Variants in MYH2 observed in about 807,000 individuals in gnomAD.
The protein encoded by MYH2 is myosin heavy chain 2.
MYH2 carries 139 observed loss-of-function variants against 228.1 expected under a neutral mutation model. The observed-to-expected ratio is 0.61, with a 90% CI of 0.53 to 0.70. MYH2 has a LOEUF of 0.70. Among genes scored for constraint, MYH2 ranks in the 30% least tolerant of loss-of-function variants. The pLI is 0.00. For synonymous variants in MYH2, 796 were observed against 871.1 expected (o/e 0.91, Z 1.52); for missense variants, 1,809 against 2,357.5 (o/e 0.77, Z 4.82).
rs755293552 is a variant in MYH2 at position 10,540,590 on chromosome 17, T to G, written c.1008+4A>C. 1 of 1,598,904 alleles carries G rather than the reference T, an allele frequency of 6.3e-7. No individual in the cohort carries two copies. Among genetic ancestry groups the G allele is most frequent in the Admixed American group, 1.7e-5 (1 of 59,994 alleles). ...TAATTCCAATTTTCTTGTGTTCTAC[T>G]TACATCTGTGGCCATCAGTTCTTCC... On this transcript the variant is annotated splice_donor_region_variant and intron_variant, in intron 11 of 39. Coordinates refer to ENST00000245503, the MANE Select transcript of MYH2 (RefSeq NM_017534.6).
At chr17:10,522,515 C>G (rs2073296614) in intron 39 of MYH2, among the ~76,000 whole-genome samples, 1 of 151,900 alleles carries the variant, frequency 6.6e-6, no homozygotes, top group Admixed American at 6.6e-5. Context: ...CCAATTTCTA[C>G]TTTTATTTTT....
At chr17:10,528,047 C>CCTTTT (rs2073375900) in intron 27 of MYH2, among the ~76,000 whole-genome samples, 173 bp from the exon 28 acceptor site, 1 of 131,872 alleles carries the variant, frequency 7.6e-6, no homozygotes, top group Non-Finnish European at 1.6e-5. Context: ...TTCTTTCTTT[C>CCTTTT]TTTTTTTTTT....
At position 10,537,225 on chromosome 17, in the gene MYH2, A is replaced by C; in HGVS notation, c.1897+8T>G. The C allele has an allele frequency of 6.2e-7, 1 of 1,614,108 alleles. No individual in the cohort carries two copies. ...ACCTAGAGAGTATTATTAACATTTG[A>C]GCATTACCTCCTTCAGCAGTTTGAG... On this transcript the variant is annotated splice_region_variant and intron_variant, in intron 16 of 39. Coordinates refer to ENST00000245503, the MANE Select transcript of MYH2 (RefSeq NM_017534.6). The surrounding 1 kb of genome is among the most constrained non-coding windows in gnomAD (Gnocchi z 4.0).
chr17:10,528,925 T>C lies in MYH2; in HGVS notation c.3509A>G (p.Asn1170Ser), dbSNP rs2073388762. ...GGATSAQIEM[N>S]KKREAEFQKM... ...CTGGAACTCAGCCTCCCGCTTCTTGTTCATCTCAATCTGGGCTGAAGTGGC... is the reference window on the plus strand; with the variant it reads ...CTGGAACTCAGCCTCCCGCTTCTTGCTCATCTCAATCTGGGCTGAAGTGGC... The change falls in exon 27 of 40, where the codon AAC (asparagine) becomes AGC (serine). Residue 1170 changes from asparagine (N) to serine (S), a missense_variant. This residue lies in a region of MYH2 where 636 missense variants were observed against 729.9 expected (regional missense o/e 0.87). Transcript: ENST00000245503. 1 of 1,614,062 alleles carries C rather than the reference T, an allele frequency of 6.2e-7. No individual in the cohort carries two copies.
At position 10,530,848 on chromosome 17, in the gene MYH2, T is replaced by A. The variant is rs183415019; in HGVS notation, c.2698-774A>T. Among the ~76,000 whole-genome samples the A allele has an allele frequency of 1.9e-4, 29 of 152,288 alleles. No homozygotes were observed. The East Asian group carries it at 4.4e-3, about 23-fold the overall frequency. ...AGATTTGGAGGGCTTTTTCCTTCTG[T>A]AATCTAGAAGGAGTTATTATACTGC... is the stretch of plus-strand genomic sequence containing the variant. On this transcript the variant is annotated intron_variant, in intron 22 of 39. Transcript: ENST00000245503.
Position 10,525,922 on chromosome 17 carries a change from A to G in MYH2, c.4188-46T>C. ...TCAGAGAGAAGTGAACCATAATATG[A>G]ATTATGAGCTATTGCCACACACGCT... On this transcript the variant is annotated intron_variant, in intron 30 of 39. Transcript: ENST00000245503. The surrounding 1 kb of genome is among the most constrained non-coding windows in gnomAD (Gnocchi z 4.2). 1 of 1,587,712 alleles carries G rather than the reference A, an allele frequency of 6.3e-7. No homozygotes were observed. Among genetic ancestry groups the G allele is most frequent in the South Asian group, 1.1e-5 (1 of 90,024 alleles).
intron 11 of MYH2, 143 bp downstream of exon 11, chr17:10,540,451 C>A: frequency 1.3e-6 from 1 of 750,706 alleles, no homozygotes. Flanking sequence ...GCACATCATA[C>A]TCTTTTCATT....
Position 10,523,143 on chromosome 17 carries a change from C to A in MYH2, c.5620G>T (p.Val1874Leu). ...TTCACTTTTGCCTGAAGTTTATCTA[C>A]CAAATCTTGAAGCCTGAGAATATTC... ...RKNILRLQDLVDKLQAKVKSY... is the reference protein window; with the variant it reads ...RKNILRLQDLLDKLQAKVKSY... Residue 1874 changes from valine to leucine, a missense_variant, in exon 39 of 40, where the codon GTA becomes TTA. By Grantham distance (32) the Val-to-Leu change is conservative. Around this residue, in one of 9 missense-constraint regions of MYH2, gnomAD observed 278 missense variants for 308.5 expected, o/e 0.90. Coordinates refer to ENST00000245503, the MANE Select transcript of MYH2 (RefSeq NM_017534.6). The A allele has an allele frequency of 6.2e-7, 1 of 1,614,082 alleles. No homozygotes were observed. The highest frequency in any genetic ancestry group is 8.5e-7 in the Non-Finnish European group (1 of 1,179,944).
In MYH2 at chr17:10,525,745, C is replaced by G. The variant is rs1597448658; in HGVS notation, c.4319G>C (p.Arg1440Thr). 1 of 1,614,078 alleles carries G rather than the reference C, an allele frequency of 6.2e-7. No individual in the cohort carries two copies. Among genetic ancestry groups the G allele is most frequent in the Non-Finnish European group, 8.5e-7 (1 of 1,180,046 alleles). ...EVEDLMLDVE[R>T]TNAACAALDK... ...AAGGGCGGCACAGGCGGCATTTGTC[C>G]TCTCCACATCAAGCATGAGGTCCTC... Residue 1440 changes from arginine to threonine, a missense_variant, in exon 31 of 40, where the codon AGG becomes ACG. Physicochemically the swap from Arg to Thr is moderately conservative, Grantham distance 71. Around this residue, in one of 9 missense-constraint regions of MYH2, gnomAD observed 636 missense variants for 729.9 expected, o/e 0.87. Transcript: ENST00000245503. The surrounding 1 kb of genome is among the most constrained non-coding windows in gnomAD (Gnocchi z 4.2).
Position 10,521,245 on chromosome 17 carries a change from C to G in MYH2, c.*35G>C, listed in dbSNP as rs1054477645. 6.2e-7 allele frequency: 1 copy of G among 1,610,780 alleles called. No individual in the cohort carries two copies. The highest frequency in any genetic ancestry group is 2.2e-5 in the East Asian group (1 of 44,842). ...ATGACCAAAGATGTCACATTTTGTG[C>G]CTGTCTTCAGTCATTCCATGGCATC... On this transcript the variant is annotated 3_prime_UTR_variant, in exon 40 of 40. Transcript: ENST00000245503.
At position 10,525,216 on chromosome 17, in the gene MYH2, A is replaced by G. The variant is rs2073335496; in HGVS notation, c.4662+8T>C. ...AGATTTTTTTATAATGCACAATTTT[A>G]CATGTACCTCTGCTTCTTCTAAAGC... On this transcript the variant is annotated splice_region_variant and intron_variant, in intron 33 of 39. Transcript: ENST00000245503. This position sits in a 1 kb window ranked among gnomAD's most constrained non-coding sequence, Gnocchi z 4.2. 1.9e-6 allele frequency: 3 copies of G among 1,614,130 alleles called. No individual in the cohort carries two copies. Among genetic ancestry groups the G allele is most frequent in the Admixed American group, 1.7e-5 (1 of 60,022 alleles).
chr17:10,527,516 A>C (rs763410008), intron 28 of MYH2, among the ~76,000 whole-genome samples: 51 of 152,222 alleles, frequency 3.4e-4, no homozygotes, highest in Non-Finnish European at 1.8e-4. Context: ...GCATCCTCGC[A>C]ATGAGCAAAT....
chr17:10,537,330 G>A lies in MYH2; in HGVS notation c.1800C>T (p.Asn600=), dbSNP rs1338697032. 2 of 1,614,044 alleles carry A rather than the reference G, an allele frequency of 1.2e-6. No individual in the cohort carries two copies. Among genetic ancestry groups the A allele is most frequent in the Non-Finnish European group, 1.7e-6 (2 of 1,180,044 alleles). Residue 600 remains asparagine, a synonymous_variant, in exon 16 of 40, where the codon AAC becomes AAT. Coordinates refer to ENST00000245503, the MANE Select transcript of MYH2 (RefSeq NM_017534.6). The surrounding 1 kb of genome is among the most constrained non-coding windows in gnomAD (Gnocchi z 4.0). ...CCACGGTCTCATTCAGGGGGTCCTTGTTCTTCTCCAGCCAGCCAGTAATGT... is the reference window on the plus strand; with the variant it reads ...CCACGGTCTCATTCAGGGGGTCCTTATTCTTCTCCAGCCAGCCAGTAATGT... The part of the protein sequence containing the change: ...DYNITGWLEK[N]KDPLNETVVG...
intron 9 of MYH2, 42 bp downstream of exon 9, chr17:10,543,056 C>A: frequency 1.3e-6 from 2 of 1,593,588 alleles, no homozygotes; most frequent in South Asian, 2.2e-5. Flanking sequence ...TTTTTTAGGT[C>A]ATATGAATCA....
At chr17:10,522,579 ACTGT>A (rs1020062174) in intron 39 of MYH2, among the ~76,000 whole-genome samples, 170 of 151,906 alleles carry the variant, frequency 1.1e-3, no homozygotes, top group African/African-American at 3.8e-3. Context: ...TATTTATTGG[ACTGT>A]CTGTTTGTTT....
intron 2 of MYH2, 51 bp downstream of exon 2, chr17:10,549,324 T>C (rs923757538): frequency 3.3e-5 from 5 of 152,672 alleles, no homozygotes; most frequent in African/African-American, 1.2e-4. Context: ...CAGAAATCCA[T>C]CCCAGAGCCT....
In MYH2 at chr17:10,535,328, G is replaced by A; in HGVS notation, c.2012C>T (p.Thr671Ile). 2 of 1,614,110 alleles carry A rather than the reference G, an allele frequency of 1.2e-6. No homozygotes were observed. Among genetic ancestry groups the A allele is most frequent in the South Asian group, 1.1e-5 (1 of 91,072 alleles). Residue 671 changes from threonine to isoleucine, a missense_variant, in exon 18 of 40, where the codon ACC becomes ATC. This residue lies in a region of MYH2 where 276 missense variants were observed against 344.2 expected (regional missense o/e 0.80). Transcript: ENST00000245503. ...GATACACCTCACAAAGTGAGGATGG[G>A]TACTCCTGAGGTTGGTCATCAGCTT... ...LNKLMTNLRSTHPHFVRCIIP... is the reference protein window; with the variant it reads ...LNKLMTNLRSIHPHFVRCIIP...
rs114322888 is a variant in MYH2, at chr17:10,521,248, G to C, written c.*32C>G. The C allele has an allele frequency of 3.5e-5, 56 of 1,611,426 alleles. No homozygotes were observed. The African/African-American group carries it at 7.1e-4, about 20-fold the overall frequency. On this transcript the variant is annotated 3_prime_UTR_variant, in exon 40 of 40. Coordinates refer to ENST00000245503, the MANE Select transcript of MYH2 (RefSeq NM_017534.6). ...ACCAAAGATGTCACATTTTGTGCCT[G>C]TCTTCAGTCATTCCATGGCATCAGG... is the stretch of plus-strand genomic sequence containing the variant.
Position 10,521,339 on chromosome 17 carries a change from C to T in MYH2, c.5767G>A (p.Val1923Met). Reference sequence around the variant, plus strand: ...CGGCTCTTCACCCGCAGTTTGTTCACCTGGGACTCAGCAATGTCAGCCCGT... The same window carrying T: ...CGGCTCTTCACCCGCAGTTTGTTCATCTGGGACTCAGCAATGTCAGCCCGT... ...EERADIAESQ[V>M]NKLRVKSREV... The change falls in exon 40 of 40, where the codon GTG becomes ATG. Residue 1923 changes from valine to methionine, a missense_variant. Around this residue, in one of 9 missense-constraint regions of MYH2, gnomAD observed 278 missense variants for 308.5 expected, o/e 0.90. Transcript: ENST00000245503. 1.2e-6 allele frequency: 2 copies of T among 1,614,142 alleles called. No individual in the cohort carries two copies. Among genetic ancestry groups the T allele is most frequent in the Non-Finnish European group, 8.5e-7 (1 of 1,180,028 alleles).
Sources: gnomAD v4.1 joint callset for allele counts (sites outside exome capture counted in the v4.1 genomes callset) on GRCh38, gnomAD v4.1.1 for gene constraint, gnomAD v4.1.1 regional missense constraint, Gnocchi (gnomAD v3.1) non-coding constraint, MANE v1.5 for transcripts, NCBI Gene and HGNC (gene_info 2026-07-23, HGNC 2026-07-21) for gene names.